The following OCA2 variants were observed in gnomAD, a reference collection of about 807,000 sequenced individuals.
The protein encoded by OCA2 is P protein.
In OCA2, 77 loss-of-function variants were observed where a neutral mutation model predicts 100.2. That is an observed-to-expected ratio of 0.77 (90% CI 0.64 to 0.93). OCA2 has a LOEUF of 0.93. OCA2 is among the 40% of genes least tolerant of loss of function. The pLI is 0.00. For synonymous variants in OCA2, 432 were observed against 439.2 expected (o/e 0.98, Z 0.21); for missense variants, 1,062 against 1,089.1 (o/e 0.98, Z 0.35).
rs765838477 is a variant in OCA2, at chr15:27,979,702, C to CT, written c.1503+3642dup. Among the ~76,000 whole-genome samples, 791 of 141,448 alleles carry CT rather than the reference C, an allele frequency of 5.6e-3. 3 individuals are homozygous for CT. Among genetic ancestry groups the CT allele is most frequent in the African/African-American group, 0.015 (587 of 38,902 alleles). The allele number at this position is 141,448 out of a possible 152,430, so 92.8% of individuals were successfully genotyped here. ...CTATAAAAAATCTTACATTAATATA[C>CT]TTTTTTTTTTTTTTTGAGACAGAGT... On this transcript the variant is annotated intron_variant, in intron 14 of 23. Transcript: ENST00000354638.
chr15:27,926,833 C>T (rs1373627465), intron 18 of OCA2, among the ~76,000 whole-genome samples: 1 of 152,122 alleles, frequency 6.6e-6, no homozygotes, highest in Non-Finnish European at 1.5e-5. Flanking sequence ...AGGCTGGTCT[C>T]ACACTCTTGC....
chr15:28,054,275 T>A (rs570412856), intron 2 of OCA2, among the ~76,000 whole-genome samples: 1 of 152,330 alleles, frequency 6.6e-6, no homozygotes, highest in African/African-American at 2.4e-5. Flanking sequence ...TATAATCATG[T>A]GTGCATGCAT....
At chr15:27,762,535 C>G (rs1566941662) in intron 23 of OCA2, among the ~76,000 whole-genome samples, 1 of 152,292 alleles carries the variant, frequency 6.6e-6, no homozygotes, top group East Asian at 1.9e-4. Flanking sequence ...AAATCCCCAC[C>G]CAGGGAGGGG....
intron 11 of OCA2, among the ~76,000 whole-genome samples, chr15:27,986,986 T>C (rs1048009426): frequency 2.0e-5 from 3 of 152,222 alleles, no homozygotes; most frequent in Non-Finnish European, 4.4e-5. Context: ...GCGAGGTGGG[T>C]TGCTCACAGC....
intron 19 of OCA2, among the ~76,000 whole-genome samples, chr15:27,882,981 C>T (rs1371662045): frequency 6.6e-6 from 1 of 152,188 alleles, no homozygotes; most frequent in Admixed American, 6.5e-5. Context: ...TCCTCTGGGC[C>T]TTTGCTGGGC....
At chr15:27,981,198 T>C (rs916974409) in intron 14 of OCA2, among the ~76,000 whole-genome samples, 13 of 152,242 alleles carry the variant, frequency 8.5e-5, no homozygotes, top group Admixed American at 3.3e-4. Flanking sequence ...GTGGGGCTTT[T>C]TTAATATCTT....
At chr15:27,955,085 G>A in intron 17 of OCA2, 73 bp downstream of exon 17, 1 of 1,049,396 alleles carries the variant, frequency 9.5e-7, no homozygotes, top group South Asian at 1.3e-5. Flanking sequence ...TCACGTGAGG[G>A]AAGGAAAAGG....
At chr15:28,007,017 T>G (rs1042318695) in intron 9 of OCA2, among the ~76,000 whole-genome samples, 9 of 152,190 alleles carry the variant, frequency 5.9e-5, no homozygotes, top group Non-Finnish European at 1.0e-4. Context: ...AACCAAACAC[T>G]ACACGAACTC....
chr15:28,020,524 G>A (rs2042560838), intron 6 of OCA2, among the ~76,000 whole-genome samples: 1 of 152,148 alleles, frequency 6.6e-6, no homozygotes, highest in Non-Finnish European at 1.5e-5. Context: ...TCCTGCCCAG[G>A]AGGGTGGCAT....
chr15:27,735,360 C>T, the OCA2 span, among the ~76,000 whole-genome samples: 1 of 151,518 alleles, frequency 6.6e-6, no homozygotes, highest in Non-Finnish European at 1.5e-5. Context: ...AGAAAGCTTA[C>T]AAAATTTATA....
chr15:28,020,171 G>A (rs2141277413), intron 6 of OCA2, among the ~76,000 whole-genome samples: 1 of 149,718 alleles, frequency 6.7e-6, no homozygotes, highest in East Asian at 2.1e-4. Context: ...CCTGCCCCCT[G>A]CTGGGAGGGA....
intron 23 of OCA2, among the ~76,000 whole-genome samples, chr15:27,766,034 G>A (rs1374510950): frequency 6.6e-6 from 1 of 152,080 alleles, no homozygotes; most frequent in African/African-American, 2.4e-5. Flanking sequence ...TATTTAAGAT[G>A]GAGTCGCTCT....
intron 4 of OCA2, 141 bp downstream of exon 4, chr15:28,027,730 T>G: frequency 2.3e-6 from 2 of 867,098 alleles, no homozygotes; most frequent in Middle Eastern, 3.4e-4. Flanking sequence ...ATAAATCACC[T>G]TGGAGGAAAA....
intron 1 of OCA2, among the ~76,000 whole-genome samples, chr15:28,089,079 A>C (rs921637690): frequency 6.6e-6 from 1 of 152,240 alleles, no homozygotes; most frequent in Non-Finnish European, 1.5e-5. Context: ...CCTTGCTGAG[A>C]AAAAGAATTC....
intron 2 of OCA2, among the ~76,000 whole-genome samples, chr15:28,056,362 G>A (rs992425136): frequency 3.3e-5 from 5 of 152,202 alleles, no homozygotes; most frequent in African/African-American, 4.8e-5. Context: ...GATGGGAGAC[G>A]TTCCTATTGC....
intron 1 of OCA2, among the ~76,000 whole-genome samples, chr15:28,088,783 G>A (rs2044823137): frequency 6.6e-6 from 1 of 152,184 alleles, no homozygotes; most frequent in Admixed American, 6.5e-5. Context: ...GGGAAATGGA[G>A]GCAGGGCGAG....
intron 19 of OCA2, among the ~76,000 whole-genome samples, chr15:27,910,745 C>A (rs1395839963): frequency 6.6e-6 from 1 of 151,496 alleles, no homozygotes; most frequent in Non-Finnish European, 1.5e-5. Context: ...ATCACAAAGT[C>A]AGGAGTTCGA....
rs1418634919 is a variant in OCA2, at chr15:27,913,894, AGCAAGCAAGCAAGCAAGC to A, written c.2079+12215_2079+12232del. Among the ~76,000 whole-genome samples the A allele has an allele frequency of 4.1e-4, 12 of 29,422 alleles. 1 individual carries two copies. Among genetic ancestry groups the A allele is most frequent in the African/African-American group, 1.0e-3 (5 of 4,988 alleles). The allele number at this position is 29,422 out of a possible 152,430, so 19.3% of individuals were successfully genotyped here. A position where few individuals can be genotyped will look rare whatever the true frequency, so the allele number is the denominator to read the frequency against. On this transcript the variant is annotated intron_variant, in intron 19 of 23. Coordinates refer to ENST00000354638, the MANE Select transcript of OCA2 (RefSeq NM_000275.3). ...AAGAAAGAAAGAAAGAAAGAAAGAA[AGCAAGCAAGCAAGCAAGC>A]AAGCAAGCAAGCAAGCAAGAAAGAA...
intron 23 of OCA2, among the ~76,000 whole-genome samples, chr15:27,787,919 G>C (rs1031288135): frequency 6.6e-6 from 1 of 151,682 alleles, no homozygotes; most frequent in Non-Finnish European, 1.5e-5. Context: ...ATATTTAATA[G>C]ATTATGCTTT....
Sources: allele counts gnomAD v4.1 joint callset (sites outside exome capture counted in the v4.1 genomes callset), GRCh38; gene constraint gnomAD v4.1.1; transcripts MANE v1.5; gene names NCBI Gene and HGNC (gene_info 2026-07-23, HGNC 2026-07-21).